The following ADGRB3 variants were observed in gnomAD, a reference collection of about 807,000 sequenced individuals.
The protein encoded by ADGRB3 is adhesion G protein-coupled receptor B3, also known as brain-specific angiogenesis inhibitor 3.
In ADGRB3, 37 loss-of-function variants were observed where a neutral mutation model predicts 193.4. That is an observed-to-expected ratio of 0.19 (90% CI 0.15 to 0.25). The LOEUF (loss-of-function observed/expected upper bound fraction) is 0.25, where lower values mean the gene tolerates loss of function less well. Among genes scored for constraint, ADGRB3 ranks in the 10% least tolerant of loss-of-function variants. The pLI, the probability that ADGRB3 is intolerant of heterozygous loss-of-function variation, is 1.00. For missense variants in ADGRB3, 1,637 were observed against 1,852.9 expected (o/e 0.88, Z 2.14); for synonymous variants, 690 against 644.2 (o/e 1.07, Z -1.08).
At chr6:68,671,014 G>A (rs1444973658) in intron 3 of ADGRB3, among the ~76,000 whole-genome samples, 1 of 151,814 alleles carries the variant, frequency 6.6e-6, no homozygotes, top group African/African-American at 2.4e-5. Flanking sequence ...AATTTGATGT[G>A]TGGTTATTGT....
At chr6:68,752,380 G>T (rs1219325364) in intron 3 of ADGRB3, among the ~76,000 whole-genome samples, 1 of 150,980 alleles carries the variant, frequency 6.6e-6, no homozygotes, top group East Asian at 2.0e-4. Flanking sequence ...GGGTTCCAGC[G>T]ATTCTTCTGC....
At chr6:69,307,711 T>C (rs1026931668) in intron 20 of ADGRB3, among the ~76,000 whole-genome samples, 14 of 151,240 alleles carry the variant, frequency 9.3e-5, no homozygotes, top group African/African-American at 3.4e-4. Flanking sequence ...ATGTCTTGGG[T>C]TCAAGATCTT....
chr6:68,726,153 A>G (rs1217218447), intron 3 of ADGRB3, among the ~76,000 whole-genome samples: 4 of 151,644 alleles, frequency 2.6e-5, no homozygotes, highest in Non-Finnish European at 4.4e-5. Context: ...TCTATCAAAT[A>G]TTGTATGCTG....
intron 3 of ADGRB3, among the ~76,000 whole-genome samples, chr6:68,850,410 A>G (rs1768374084): frequency 1.3e-5 from 2 of 151,876 alleles, no homozygotes; most frequent in Admixed American, 1.3e-4. Context: ...GAGGGTGCAG[A>G]CGTTGTTTTA....
chr6:68,691,587 CTT>C (rs1765073202), intron 3 of ADGRB3, among the ~76,000 whole-genome samples: 1 of 151,966 alleles, frequency 6.6e-6, no homozygotes, highest in Non-Finnish European at 1.5e-5. Flanking sequence ...AATGCATTGA[CTT>C]TTGTTGTCAC....
intron 20 of ADGRB3, among the ~76,000 whole-genome samples, chr6:69,284,988 A>G (rs769651626): frequency 3.9e-5 from 6 of 152,230 alleles, no homozygotes; most frequent in Non-Finnish European, 7.3e-5. Flanking sequence ...CTATTCATCA[A>G]GAATGAAAAA....
intron 12 of ADGRB3, among the ~76,000 whole-genome samples, chr6:69,017,190 T>A (rs1562123182): frequency 6.6e-6 from 1 of 151,968 alleles, no homozygotes; most frequent in African/African-American, 2.4e-5. Flanking sequence ...AGATACTGCC[T>A]GATTTTTAGA....
At chr6:69,198,641 G>A (rs373421181) in intron 17 of ADGRB3, among the ~76,000 whole-genome samples, 1 of 152,048 alleles carries the variant, frequency 6.6e-6, no homozygotes, top group East Asian at 1.9e-4. Context: ...CAGAAAGAAA[G>A]CAAATAAAGG....
At chr6:68,668,561 G>A (rs1768857155) in intron 3 of ADGRB3, among the ~76,000 whole-genome samples, 1 of 151,862 alleles carries the variant, frequency 6.6e-6, no homozygotes, top group African/African-American at 2.4e-5. Context: ...TTAGATATAG[G>A]AAATAATTTA....
chr6:68,923,216 A>G (rs534277380), intron 3 of ADGRB3, among the ~76,000 whole-genome samples: 1 of 152,230 alleles, frequency 6.6e-6, no homozygotes, highest in East Asian at 1.9e-4. Context: ...ACATGACCAG[A>G]ACTACTTTGG....
chr6:69,206,836 C>T (rs184067459), intron 17 of ADGRB3, among the ~76,000 whole-genome samples: 1 of 152,296 alleles, frequency 6.6e-6, no homozygotes, highest in African/African-American at 2.4e-5. Flanking sequence ...TAGCAACCAC[C>T]TCAGCAGGTT....
intron 17 of ADGRB3, among the ~76,000 whole-genome samples, chr6:69,133,903 T>C (rs1774080926): frequency 6.6e-6 from 1 of 152,060 alleles, no homozygotes; most frequent in African/African-American, 2.4e-5. Flanking sequence ...ATCTTCATAG[T>C]TTAGCTCCCT....
At chr6:69,134,623 C>T (rs1333900099) in intron 17 of ADGRB3, among the ~76,000 whole-genome samples, 3 of 151,868 alleles carry the variant, frequency 2.0e-5, no homozygotes, top group Non-Finnish European at 4.4e-5. Flanking sequence ...GCCTCATGAA[C>T]TTAGTAAGGT....
chr6:68,669,894 A>G (rs1268379960), intron 3 of ADGRB3, among the ~76,000 whole-genome samples: 5 of 151,988 alleles, frequency 3.3e-5, no homozygotes, highest in Non-Finnish European at 4.4e-5. Flanking sequence ...CCCACAGTGT[A>G]TGAGACTTCC....
In ADGRB3 at chr6:69,339,000, C is replaced by T. The variant is rs563646975; in HGVS notation, c.3273C>T (p.Thr1091=). The T allele has an allele frequency of 1.4e-5, 23 of 1,613,560 alleles. No individual in the cohort carries two copies. Among genetic ancestry groups the T allele is most frequent in the South Asian group, 1.1e-4 (10 of 91,058 alleles). ...VVSTTALSAT[T]ASNAMASLWS... Reference sequence around the variant, plus strand: ...CAACAACAGCTTTGTCAGCCACCACCGCCAGTAACGCCATGTTAGTCCCAA... The same window carrying T: ...CAACAACAGCTTTGTCAGCCACCACTGCCAGTAACGCCATGTTAGTCCCAA... The change falls in exon 25 of 32, where the codon ACC becomes ACT. Residue 1091 remains threonine (T), a synonymous_variant. Coordinates refer to ENST00000370598, the MANE Select transcript of ADGRB3 (RefSeq NM_001704.3).
intron 16 of ADGRB3, among the ~76,000 whole-genome samples, chr6:69,065,332 TCTC>T: frequency 6.6e-6 from 1 of 152,270 alleles, no homozygotes; most frequent in East Asian, 1.9e-4. Flanking sequence ...TCGTGCCTCT[TCTC>T]AGAGGCTCCT....
chr6:68,682,624 G>C (rs1764915241), intron 3 of ADGRB3, among the ~76,000 whole-genome samples: 1 of 152,062 alleles, frequency 6.6e-6, no homozygotes, highest in Admixed American at 6.6e-5. Context: ...AGCAGCAATA[G>C]CACTATTTAT....
intron 3 of ADGRB3, among the ~76,000 whole-genome samples, chr6:68,821,914 G>T (rs1439053900): frequency 1.3e-5 from 2 of 151,900 alleles, no homozygotes; most frequent in Admixed American, 6.6e-5. Flanking sequence ...TTATTCAGAA[G>T]GATATTAATT....
chr6:68,840,369 CTTTTTTTTTTTTTTTTT>C lies in ADGRB3; in HGVS notation c.758-90167_758-90151del, dbSNP rs752625602. 7.9e-3 allele frequency among the ~76,000 whole-genome samples: 547 copies of C among 69,416 alleles called. 9 individuals are homozygous for C. The highest frequency in any genetic ancestry group is 0.032 in the African/African-American group (432 of 13,410). 45.5% of individuals were successfully genotyped at this position (69,416 alleles called of 152,430 possible). A position where few individuals can be genotyped will look rare whatever the true frequency, so the allele number is the denominator to read the frequency against. Reference sequence around the variant, plus strand: ...GCAGTGGAGTAAGGCACTGGGCAGTCTTTTTTTTTTTTTTTTTTTTTTTTTTTTTTTTTTTTTTTGAG... The same window carrying C: ...GCAGTGGAGTAAGGCACTGGGCAGTCTTTTTTTTTTTTTTTTTTTTTTGAG... On this transcript the variant is annotated intron_variant, in intron 3 of 31. Transcript: ENST00000370598.
Sources: gnomAD v4.1 joint callset for allele counts (sites outside exome capture counted in the v4.1 genomes callset) on GRCh38, gnomAD v4.1.1 for gene constraint, MANE v1.5 for transcripts, NCBI Gene and HGNC (gene_info 2026-07-23, HGNC 2026-07-21) for gene names.